SGIP1: variants seen among roughly 807,000 people sequenced by gnomAD.
SGIP1 encodes SH3-containing GRB2-like protein 3-interacting protein 1.
SGIP1 carries 38 observed loss-of-function variants against 107.5 expected under a neutral mutation model. That is an observed-to-expected ratio of 0.35 (90% CI 0.27 to 0.46). The LOEUF is 0.46. SGIP1 is among the 20% of genes least tolerant of loss of function. The pLI is 1.00. For missense variants in SGIP1, 929 were observed against 1,019.5 expected, an observed-to-expected ratio of 0.91 and a Z score of 1.21; for synonymous variants, 365 against 366.1, an observed-to-expected ratio of 1.00 and a Z score of 0.03.
intron 5 of SGIP1, 136 bp downstream of exon 5, chr1:66,639,969 G>A (rs2149465623): frequency 1.5e-6 from 1 of 667,906 alleles, no homozygotes; most frequent in Non-Finnish European, 2.6e-6. Flanking sequence ...TATTTAGGAT[G>A]GGGCTAAGAA....
chr1:66,701,608 T>C (rs1402963833), intron 18 of SGIP1, among the ~76,000 whole-genome samples: 1 of 152,232 alleles, frequency 6.6e-6, no homozygotes, highest in Non-Finnish European at 1.5e-5. Context: ...GAGCTGAACC[T>C]GCAAAATCTT....
intron 18 of SGIP1, among the ~76,000 whole-genome samples, chr1:66,696,309 C>T (rs374769735): frequency 9.9e-5 from 15 of 152,270 alleles, no homozygotes; most frequent in East Asian, 7.7e-4. Flanking sequence ...AATTTATGGA[C>T]CATCTTACAC....
chr1:66,584,372 C>T (rs956299193), intron 1 of SGIP1, among the ~76,000 whole-genome samples: 1 of 152,100 alleles, frequency 6.6e-6, no homozygotes, highest in South Asian at 2.1e-4. Context: ...ATCTCTGAAT[C>T]TTTAAGTTGG....
intron 1 of SGIP1, among the ~76,000 whole-genome samples, chr1:66,541,761 G>T (rs1320894692): frequency 1.3e-5 from 2 of 152,114 alleles, no homozygotes; most frequent in Non-Finnish European, 2.9e-5. Flanking sequence ...CTCATTTAGG[G>T]CATTGTCAAA....
chr1:66,717,224 C>T (rs2093297374), intron 18 of SGIP1, among the ~76,000 whole-genome samples: 1 of 152,154 alleles, frequency 6.6e-6, no homozygotes, highest in Non-Finnish European at 1.5e-5. Flanking sequence ...TGGCAACAGT[C>T]CAGCCCTCTT....
intron 21 of SGIP1, among the ~76,000 whole-genome samples, chr1:66,737,049 C>T (rs944077078): frequency 1.3e-5 from 2 of 152,052 alleles, no homozygotes; most frequent in African/African-American, 4.8e-5. Flanking sequence ...TTAACTTCTT[C>T]CCAAAATATT....
rs1383338929 is a variant in SGIP1, at chr1:66,684,047, G to A, written c.1315+1678G>A. 29 of 1,544,294 alleles carry A rather than the reference G, an allele frequency of 1.9e-5. No homozygotes were observed. In the Admixed American group the frequency reaches 5.5e-4, roughly 29 times the overall value. ...TGCTTTTTGGCCCTAAATGCTTTTT[G>A]TACATTATTTCATACAACACCACCC... On this transcript the variant is annotated intron_variant, in intron 15 of 24. Transcript: ENST00000371037.
At chr1:66,591,311 CA>C (rs1245737339) in intron 1 of SGIP1, among the ~76,000 whole-genome samples, 1 of 152,112 alleles carries the variant, frequency 6.6e-6, no homozygotes, top group Non-Finnish European at 1.5e-5. Flanking sequence ...TTGTTTAGGC[CA>C]AGAATCTGAT....
intron 9 of SGIP1, among the ~76,000 whole-genome samples, chr1:66,668,968 A>G (rs542645696): frequency 1.0e-3 from 155 of 152,298 alleles, no homozygotes; most frequent in Non-Finnish European, 1.9e-3. Flanking sequence ...GTCTTTTTCT[A>G]GATATGTCAT....
intron 1 of SGIP1, among the ~76,000 whole-genome samples, chr1:66,592,682 C>T (rs1014076757): frequency 6.6e-6 from 1 of 152,138 alleles, no homozygotes. Flanking sequence ...TGTAACAACA[C>T]GTATTCACCA....
intron 4 of SGIP1, among the ~76,000 whole-genome samples, chr1:66,638,967 G>A (rs1334297605): frequency 6.6e-6 from 1 of 152,130 alleles, no homozygotes; most frequent in Non-Finnish European, 1.5e-5. Flanking sequence ...TGTGTTTGTC[G>A]TTTGCTCACA....
At chr1:66,554,505 A>G (rs1406752130) in intron 1 of SGIP1, among the ~76,000 whole-genome samples, 1 of 152,142 alleles carries the variant, frequency 6.6e-6, no homozygotes. Flanking sequence ...AATTTTTGAG[A>G]GGTAACATGA....
chr1:66,675,977 C>G (rs1290172099), intron 12 of SGIP1, among the ~76,000 whole-genome samples: 1 of 152,194 alleles, frequency 6.6e-6, no homozygotes, highest in Non-Finnish European at 1.5e-5. Context: ...ATTTTCCTCT[C>G]CCATAAGTGG....
chr1:66,736,180 T>C (rs2094225130), intron 21 of SGIP1, among the ~76,000 whole-genome samples: 1 of 58,434 alleles, frequency 1.7e-5, no homozygotes, highest in Non-Finnish European at 3.8e-5. Flanking sequence ...TATTCATAAA[T>C]ATAAATATTT....
intron 1 of SGIP1, among the ~76,000 whole-genome samples, chr1:66,588,290 C>T (rs969358230): frequency 6.6e-6 from 1 of 152,104 alleles, no homozygotes; most frequent in East Asian, 1.9e-4. Flanking sequence ...AATACTGCTG[C>T]TGCCTATAGC....
chr1:66,570,349 C>A (rs537227595), intron 1 of SGIP1, among the ~76,000 whole-genome samples: 1 of 151,830 alleles, frequency 6.6e-6, no homozygotes, highest in South Asian at 2.1e-4. Context: ...TTGCTATAAT[C>A]CAGGTATGCA....
chr1:66,577,037 G>A (rs76782115), intron 1 of SGIP1, among the ~76,000 whole-genome samples: 2,394 of 152,194 alleles, frequency 0.016, 39 homozygotes, highest in Non-Finnish European at 0.026. Context: ...TTTTTGAGAA[G>A]GGCAACTTTT....
rs1484438527 is a variant in SGIP1, at chr1:66,745,008, A to G, written c.*1913A>G. On this transcript the variant is annotated 3_prime_UTR_variant, in exon 25 of 25. Transcript: ENST00000371037. ...GAGAATTATCCAGCATATGAATATA[A>G]CAATGTGTTTTTAAGTAATCAATTC... 2 of 152,508 alleles carry G rather than the reference A, an allele frequency of 1.3e-5. No individual in the cohort carries two copies. Among genetic ancestry groups the G allele is most frequent in the African/African-American group, 2.4e-5 (1 of 41,448 alleles). The allele number at this position is 152,508 out of a possible 1,614,324, so 9.4% of individuals were successfully genotyped here. A position where few individuals can be genotyped will look rare whatever the true frequency, so the allele number is the denominator to read the frequency against.
chr1:66,641,542 A>G (rs1536112), intron 5 of SGIP1, among the ~76,000 whole-genome samples: 79,698 of 151,880 alleles, frequency 0.52, 22,124 homozygotes, highest in East Asian at 0.91. Flanking sequence ...AACACCTGGG[A>G]TCAAAACCTA....
Sources: gnomAD v4.1 joint callset for allele counts (sites outside exome capture counted in the v4.1 genomes callset) on GRCh38, gnomAD v4.1.1 for gene constraint, MANE v1.5 for transcripts, NCBI Gene and HGNC (gene_info 2026-07-23, HGNC 2026-07-21) for gene names.